TENM2: variants seen among roughly 807,000 people sequenced by gnomAD.
TENM2 encodes teneurin-2.
TENM2 carries 52 observed loss-of-function variants against 245.2 expected under a neutral mutation model. The ratio of observed to expected loss-of-function variants is 0.21; its 90% CI spans 0.17 to 0.27. The LOEUF (loss-of-function observed/expected upper bound fraction) is 0.27. Among genes scored for constraint, TENM2 ranks in the 10% least tolerant of loss-of-function variants. TENM2 has a pLI of 1.00. For synonymous variants in TENM2, 1,363 were observed against 1,438.9 expected, an observed-to-expected ratio of 0.95 and a Z score of 1.19; for missense variants, 3,046 against 3,666.8, an observed-to-expected ratio of 0.83 and a Z score of 4.37.
chr5:167,331,897 C>A (rs1443118896), intron 1 of TENM2, among the ~76,000 whole-genome samples: 1 of 152,006 alleles, frequency 6.6e-6, no homozygotes, highest in Non-Finnish European at 1.5e-5. Flanking sequence ...GAGGGGGCAC[C>A]TGGCATTAAA....
At chr5:167,219,327 ACAAGC>A in the TENM2 span, among the ~76,000 whole-genome samples, 514 of 133,662 alleles carry the variant, frequency 3.8e-3, 4 homozygotes, top group African/African-American at 0.015. Context: ...AAACAAACAA[ACAAGC>A]AAAACAAAAC....
intron 28 of TENM2, 87 bp downstream of exon 30, chr5:168,260,500 G>A: frequency 6.6e-7 from 1 of 1,507,654 alleles, no homozygotes; most frequent in Non-Finnish European, 9.1e-7. Flanking sequence ...GGGCATGTCA[G>A]CGCAGGAAAA....
At chr5:168,159,705 G>C (rs999430368) in intron 12 of TENM2, among the ~76,000 whole-genome samples, 5 of 152,152 alleles carry the variant, frequency 3.3e-5, no homozygotes, top group Admixed American at 3.3e-4. Flanking sequence ...TTAATTACCA[G>C]CTGCCCTGAA....
intron 12 of TENM2, among the ~76,000 whole-genome samples, chr5:168,156,093 A>G (rs550750788): frequency 6.6e-5 from 10 of 151,980 alleles, no homozygotes; most frequent in Admixed American, 5.2e-4. Flanking sequence ...GAGAAAATAA[A>G]TAAGATTAAC....
At chr5:168,195,551 C>CGTGTGTGTGTGTGTGTGT (rs35040257) in intron 15 of TENM2, among the ~76,000 whole-genome samples, 1 of 98,126 alleles carries the variant, frequency 1.0e-5, no homozygotes, top group Non-Finnish European at 2.1e-5. Flanking sequence ...GGTCAATGCA[C>CGTGTGTGTGTGTGTGTGT]GTGTGTGTGT....
intron 2 of TENM2, among the ~76,000 whole-genome samples, chr5:167,565,888 A>G (rs2127650228): frequency 6.6e-6 from 1 of 152,332 alleles, no homozygotes; most frequent in Non-Finnish European, 1.5e-5. Flanking sequence ...AAGGGAGTGT[A>G]TGGCACTTTT....
intron 1 of TENM2, among the ~76,000 whole-genome samples, chr5:167,315,694 C>A (rs949816674): frequency 5.3e-5 from 8 of 151,772 alleles, no homozygotes; most frequent in African/African-American, 1.9e-4. Flanking sequence ...CTAGAGAATC[C>A]CTCCTATTCC....
intron 12 of TENM2, among the ~76,000 whole-genome samples, chr5:168,127,307 T>C (rs10040185): frequency 0.22 from 32,766 of 152,106 alleles, 3,774 homozygotes; most frequent in Non-Finnish European, 0.24. Flanking sequence ...CCTTTTTAAA[T>C]CCTCTCTCAG....
chr5:167,957,744 T>C lies in TENM2; in HGVS notation c.947+4922T>C, dbSNP rs573827145. ...ATTTTGTTATTTACCCAGTAGTCAT[T>C]CAGGAGCAGATTGTTCAGTTTCCAT... On this transcript the variant is annotated intron_variant, in intron 4 of 28. Transcript: ENST00000518659. Among the ~76,000 whole-genome samples the C allele has an allele frequency of 2.6e-5, 4 of 152,360 alleles. No homozygotes were observed. The South Asian group carries it at 6.2e-4, about 24-fold the overall frequency.
At chr5:167,893,565 G>A (rs1382565866) in intron 3 of TENM2, among the ~76,000 whole-genome samples, 2 of 151,206 alleles carry the variant, frequency 1.3e-5, no homozygotes, top group Non-Finnish European at 2.9e-5. Context: ...ATGCTTCGTT[G>A]CTAGTATTTT....
At chr5:168,026,266 A>G (rs575189864) in intron 5 of TENM2, among the ~76,000 whole-genome samples, 3 of 152,132 alleles carry the variant, frequency 2.0e-5, no homozygotes, top group African/African-American at 7.2e-5. Context: ...AGCAGTGTCC[A>G]CCTAAACATT....
At chr5:167,919,945 T>G (rs1777224991) in intron 3 of TENM2, among the ~76,000 whole-genome samples, 1 of 152,138 alleles carries the variant, frequency 6.6e-6, no homozygotes, top group African/African-American at 2.4e-5. Context: ...TTCTTTTTTT[T>G]GGACGAGAAA....
intron 3 of TENM2, among the ~76,000 whole-genome samples, chr5:167,905,429 C>G (rs908980296): frequency 6.6e-5 from 10 of 152,162 alleles, no homozygotes; most frequent in African/African-American, 1.9e-4. Context: ...TAAGTTCATA[C>G]CAGCTCGTAA....
intron 2 of TENM2, among the ~76,000 whole-genome samples, chr5:167,404,857 G>C (rs1581951937): frequency 6.6e-6 from 1 of 152,056 alleles, no homozygotes. Flanking sequence ...TCACAGGCTT[G>C]TGCAACCTTC....
chr5:168,127,061 A>G, intron 12 of TENM2, 95 bp downstream of exon 14: 1 of 1,054,684 alleles, frequency 9.5e-7, no homozygotes, highest in Non-Finnish European at 1.4e-6. Context: ...GCTCTCCCAC[A>G]TTTCCTGCTG....
chr5:167,822,252 T>C (rs1583100433), intron 2 of TENM2, among the ~76,000 whole-genome samples: 1 of 152,184 alleles, frequency 6.6e-6, no homozygotes, highest in Admixed American at 6.5e-5. Flanking sequence ...GAGGGTTAGC[T>C]GAGGGGTTGT....
chr5:168,182,503 C>CACGTGCCCAAG (rs1429187321), intron 13 of TENM2, among the ~76,000 whole-genome samples: 4 of 152,196 alleles, frequency 2.6e-5, no homozygotes, highest in Admixed American at 2.6e-4. Context: ...GGAATTCAGT[C>CACGTGCCCAAG]ACGTGCCCAA....
At chr5:168,106,941 T>A (rs956949428) in intron 9 of TENM2, among the ~76,000 whole-genome samples, 3 of 152,126 alleles carry the variant, frequency 2.0e-5, no homozygotes, top group African/African-American at 7.2e-5. Context: ...AAGACTGTAA[T>A]CCCAGCTACT....
rs1763353041 is a variant in TENM2 at position 168,218,040 on chromosome 5, G to A, written c.4234-85G>A. 2 of 1,432,564 alleles carry A rather than the reference G, an allele frequency of 1.4e-6. No homozygotes were observed. Among genetic ancestry groups the A allele is most frequent in the East Asian group, 4.6e-5 (2 of 43,580 alleles). The allele number at this position is 1,432,564 out of a possible 1,614,324, so 88.7% of individuals were successfully genotyped here. A position where few individuals can be genotyped will look rare whatever the true frequency, so the allele number is the denominator to read the frequency against. On this transcript the variant is annotated intron_variant, in intron 22 of 28. Coordinates refer to ENST00000518659, the Ensembl canonical transcript of TENM2. The surrounding 1 kb of genome is among the most constrained non-coding windows in gnomAD (Gnocchi z 5.2). ...TATTAAAAAGCTGTCTTTTTTCCTAGATATATAAAACCAGTAAGTGCCGTA... is the reference window on the plus strand; with the variant it reads ...TATTAAAAAGCTGTCTTTTTTCCTAAATATATAAAACCAGTAAGTGCCGTA...
Sources: allele counts gnomAD v4.1 joint callset (sites outside exome capture counted in the v4.1 genomes callset), GRCh38; gene constraint gnomAD v4.1.1; non-coding constraint Gnocchi (gnomAD v3.1); transcripts MANE v1.5; gene names NCBI Gene and HGNC (gene_info 2026-07-23, HGNC 2026-07-21).